LRP1B: variants seen among roughly 807,000 people sequenced by gnomAD.
LRP1B encodes low-density lipoprotein receptor-related protein 1B.
A neutral mutation model predicts 556.6 loss-of-function variants in LRP1B; 217 were observed. The ratio of observed to expected loss-of-function variants is 0.39; its 90% CI spans 0.35 to 0.44. LRP1B has a LOEUF of 0.44. Ranked by LOEUF, LRP1B falls within the 20% of genes least tolerant of loss-of-function variation. The pLI is 1.00. For synonymous variants in LRP1B, 2,047 were observed against 1,865.8 expected (o/e 1.10, Z -2.50); for missense variants, 5,053 against 5,620.8 (o/e 0.90, Z 3.23).
intron 83 of LRP1B, among the ~76,000 whole-genome samples, chr2:140,305,953 A>C (rs538032346): frequency 3.3e-5 from 5 of 151,662 alleles, no homozygotes; most frequent in Non-Finnish European, 5.9e-5. Context: ...GCTGGATTAC[A>C]TTTATTGATT....
At chr2:140,960,490 C>T (rs1299358130) in intron 18 of LRP1B, among the ~76,000 whole-genome samples, 1 of 151,560 alleles carries the variant, frequency 6.6e-6, no homozygotes, top group Non-Finnish European at 1.5e-5. Flanking sequence ...TTAGATGTCA[C>T]TAAAACTAGC....
intron 7 of LRP1B, among the ~76,000 whole-genome samples, chr2:141,072,616 G>C (rs1301574597): frequency 6.6e-6 from 1 of 151,844 alleles, no homozygotes; most frequent in Admixed American, 6.6e-5. Context: ...TACTCCCTCT[G>C]CAACACTTTT....
At chr2:141,127,535 T>G (rs559606060) in intron 7 of LRP1B, among the ~76,000 whole-genome samples, 1 of 152,264 alleles carries the variant, frequency 6.6e-6, no homozygotes, top group African/African-American at 2.4e-5. Context: ...GTGGCACATA[T>G]ACACCATGGA....
chr2:141,801,869 G>A (rs1696018626), intron 2 of LRP1B, among the ~76,000 whole-genome samples: 1 of 151,866 alleles, frequency 6.6e-6, no homozygotes, highest in African/African-American at 2.4e-5. Flanking sequence ...TTCTTACACT[G>A]GTATTAAAAT....
intron 5 of LRP1B, among the ~76,000 whole-genome samples, chr2:141,236,539 C>A (rs1202194172): frequency 1.3e-5 from 2 of 152,122 alleles, no homozygotes; most frequent in Admixed American, 1.3e-4. Context: ...TGTTTTCCAG[C>A]ATGGTAACTA....
At chr2:140,967,154 A>G (rs1696252580) in intron 18 of LRP1B, among the ~76,000 whole-genome samples, 1 of 152,276 alleles carries the variant, frequency 6.6e-6, no homozygotes, top group Non-Finnish European at 1.5e-5. Flanking sequence ...TTTTCATGAC[A>G]TTGATTCTTC....
intron 77 of LRP1B, among the ~76,000 whole-genome samples, chr2:140,338,078 A>AC (rs397804644): frequency 6.6e-6 from 1 of 151,548 alleles, no homozygotes; most frequent in Non-Finnish European, 1.5e-5. Flanking sequence ...GAAAAAAAAA[A>AC]CTTACTTTTC....
At chr2:140,429,281 C>G (rs1316470720) in intron 66 of LRP1B, among the ~76,000 whole-genome samples, 3 of 152,194 alleles carry the variant, frequency 2.0e-5, no homozygotes, top group African/African-American at 7.2e-5. Flanking sequence ...AGGATCTGTG[C>G]CTTATCAACC....
At chr2:141,091,559 C>A (rs759603755) in intron 7 of LRP1B, among the ~76,000 whole-genome samples, 1 of 152,078 alleles carries the variant, frequency 6.6e-6, no homozygotes, top group Non-Finnish European at 1.5e-5. Context: ...CTTGGCATGT[C>A]TAAATTACCC....
intron 32 of LRP1B, among the ~76,000 whole-genome samples, chr2:140,788,473 A>G (rs1273724750): frequency 6.6e-6 from 1 of 152,140 alleles, no homozygotes; most frequent in Non-Finnish European, 1.5e-5. Flanking sequence ...AATAATATAT[A>G]TTACCTATAG....
chr2:140,787,558 ATTTTTTTTTTTTTT>A (rs756825067), intron 32 of LRP1B, among the ~76,000 whole-genome samples: 9 of 44,628 alleles, frequency 2.0e-4, no homozygotes, highest in African/African-American at 4.4e-4. Context: ...AAAACAGAAG[ATTTTTTTTTTTTTT>A]TTTTTTTTTT....
At chr2:140,655,951 C>CAAAAAAAAAAAAAA (rs1286848376) in intron 41 of LRP1B, among the ~76,000 whole-genome samples, 1 of 148,762 alleles carries the variant, frequency 6.7e-6, no homozygotes, top group Non-Finnish European at 1.5e-5. Flanking sequence ...TCAAAAAAAA[C>CAAAAAAAAAAAAAA]AAAAAAAGAA....
At chr2:141,841,469 G>A (rs1697469261) in intron 1 of LRP1B, among the ~76,000 whole-genome samples, 1 of 152,094 alleles carries the variant, frequency 6.6e-6, no homozygotes, top group African/African-American at 2.4e-5. Flanking sequence ...CATATTAGAA[G>A]AGCTTGTTGC....
At chr2:140,698,778 C>T (rs1469642099) in intron 41 of LRP1B, among the ~76,000 whole-genome samples, 4 of 152,000 alleles carry the variant, frequency 2.6e-5, no homozygotes, top group Non-Finnish European at 2.9e-5. Context: ...ACTTTTCATC[C>T]TCTATTACAT....
chr2:141,046,838 T>C (rs543721502), intron 11 of LRP1B, among the ~76,000 whole-genome samples: 23 of 152,134 alleles, frequency 1.5e-4, no homozygotes, highest in African/African-American at 5.5e-4. Flanking sequence ...TCCCAGCTCT[T>C]TGGGAAGCTG....
chr2:141,539,428 T>C (rs532266137), intron 2 of LRP1B, among the ~76,000 whole-genome samples: 21 of 152,332 alleles, frequency 1.4e-4, no homozygotes, highest in African/African-American at 4.8e-4. Context: ...TCAAATTCTA[T>C]GAAAAATTTT....
intron 2 of LRP1B, among the ~76,000 whole-genome samples, chr2:141,571,439 A>G (rs1686525195): frequency 7.2e-6 from 1 of 139,604 alleles, no homozygotes; most frequent in Non-Finnish European, 1.7e-5. Context: ...GGCCTCAAAG[A>G]CCGAAACTAG....
chr2:140,788,838 T>C (rs948784448), intron 32 of LRP1B, among the ~76,000 whole-genome samples: 6 of 152,140 alleles, frequency 3.9e-5, no homozygotes, highest in African/African-American at 1.4e-4. Context: ...GATAATTAAG[T>C]TGAATGAGGT....
intron 7 of LRP1B, among the ~76,000 whole-genome samples, chr2:141,097,323 T>C (rs1700347592): frequency 6.6e-6 from 1 of 152,316 alleles, no homozygotes; most frequent in East Asian, 1.9e-4. Context: ...AATTTTCAAA[T>C]GCTGAAACTT....
Sources: allele counts gnomAD v4.1 joint callset (sites outside exome capture counted in the v4.1 genomes callset), GRCh38; gene constraint gnomAD v4.1.1; transcripts MANE v1.5; gene names NCBI Gene and HGNC (gene_info 2026-07-23, HGNC 2026-07-21).